Variants in INTS2 observed in about 807,000 individuals in gnomAD.
INTS2 encodes the protein KIAA1287.
A neutral mutation model predicts 139.6 loss-of-function variants in INTS2; 57 were observed. The ratio of observed to expected loss-of-function variants is 0.41; its 90% CI spans 0.33 to 0.51. The LOEUF (loss-of-function observed/expected upper bound fraction) is 0.51, where lower values mean the gene tolerates loss of function less well. INTS2 is among the 20% of genes least tolerant of loss of function. The probability of loss-of-function intolerance (pLI) is 0.28; values close to 1 mark genes in which losing one functional copy is unlikely to be tolerated. For missense variants in INTS2, 1,196 were observed against 1,436.7 expected (o/e 0.83, Z 2.71); for synonymous variants, 473 against 493.4 (o/e 0.96, Z 0.55).
Position 61,874,935 on chromosome 17 carries a change from T to C in INTS2, c.2560A>G (p.Arg854Gly), listed in dbSNP as rs1402291091. 1.9e-6 allele frequency: 3 copies of C among 1,598,038 alleles called. No homozygotes were observed. The African/African-American group carries it at 4.0e-5, about 21-fold the overall frequency. Residue 854 changes from arginine (R) to glycine (G), a missense_variant, in exon 19 of 25, where the codon AGG becomes GGG. Physicochemically the swap from Arg to Gly is moderately radical, Grantham distance 125. This residue lies in a region of INTS2 where 1,129 missense variants were observed against 1,341.9 expected (regional missense o/e 0.84). Coordinates refer to ENST00000251334, the MANE Select transcript of INTS2 (RefSeq NM_001351695.2). ...TACCTGTGAACCCTCTGATCACACCTTAGGACAATGAGAGGATCTATCATC... is the reference window on the plus strand; with the variant it reads ...TACCTGTGAACCCTCTGATCACACCCTAGGACAATGAGAGGATCTATCATC... ...DLMIDPLIVL[R>G]CDQRVHRCPP...
chr17:61,908,593 C>A (rs1159100697), intron 7 of INTS2, among the ~76,000 whole-genome samples: 1 of 152,104 alleles, frequency 6.6e-6, no homozygotes, highest in Non-Finnish European at 1.5e-5. Context: ...CAGTTCTAAA[C>A]TATACAGGGC....
chr17:61,887,941 A>C (rs950280111), intron 15 of INTS2, among the ~76,000 whole-genome samples: 3 of 152,118 alleles, frequency 2.0e-5, no homozygotes, highest in African/African-American at 7.2e-5. Context: ...AATCCCAGCT[A>C]TTCAGGAGGC....
In INTS2 at chr17:61,913,092, T is replaced by C. The variant is rs568736315; in HGVS notation, c.650-1022A>G. On this transcript the variant is annotated intron_variant, in intron 5 of 24. Coordinates refer to ENST00000251334, the MANE Select transcript of INTS2 (RefSeq NM_001351695.2). ...CTCCATCTCCAAAAAAGAGAAAAAGTAACTAGAGCAGAGGATAGGCGCATC... is the reference window on the plus strand; with the variant it reads ...CTCCATCTCCAAAAAAGAGAAAAAGCAACTAGAGCAGAGGATAGGCGCATC... 3.9e-5 allele frequency among the ~76,000 whole-genome samples: 5 copies of C among 129,808 alleles called. No individual in the cohort carries two copies. The East Asian group carries it at 1.1e-3, about 30-fold the overall frequency. The allele number at this position is 129,808 out of a possible 152,430, so 85.2% of individuals were successfully genotyped here. A position where few individuals can be genotyped will look rare whatever the true frequency, so the allele number is the denominator to read the frequency against.
At chr17:61,924,897 T>C in intron 3 of INTS2, 64 bp downstream of exon 3, 2 of 1,518,510 alleles carry the variant, frequency 1.3e-6, no homozygotes, top group East Asian at 4.6e-5. Flanking sequence ...TCTTTTTCTG[T>C]CTACCTCCCT....
At position 61,877,948 on chromosome 17, in the gene INTS2, G is replaced by C. The variant is rs777097380; in HGVS notation, c.2395C>G (p.Arg799Gly). ...MSQLLNSGVPRRILQTVNKLW... is the reference protein window; with the variant it reads ...MSQLLNSGVPGRILQTVNKLW... ...TTATTGACTGTTTGCAGAATTCTCC[G>C]TGGAACCCCTGAATTCAATAGCTGG... The change falls in exon 18 of 25, where the codon CGG becomes GGG. Residue 799 changes from arginine to glycine, a missense_variant. Arg to Gly is a moderately radical substitution (Grantham distance 125, BLOSUM62 -2). Around this residue, in one of 3 missense-constraint regions of INTS2, gnomAD observed 1,129 missense variants for 1,341.9 expected, o/e 0.84. Coordinates refer to ENST00000251334, the MANE Select transcript of INTS2 (RefSeq NM_001351695.2). 24 of 1,613,582 alleles carry C rather than the reference G, an allele frequency of 1.5e-5. No homozygotes were observed. Among genetic ancestry groups the C allele is most frequent in the Non-Finnish European group, 2.0e-5 (24 of 1,179,720 alleles).
At chr17:61,900,687 G>C (rs1315777913) in intron 9 of INTS2, among the ~76,000 whole-genome samples, 9 of 152,160 alleles carry the variant, frequency 5.9e-5, no homozygotes, top group Non-Finnish European at 1.2e-4. Flanking sequence ...GCCAGACGTG[G>C]TGGCTCACAC....
chr17:61,891,481 A>G (rs889933400), intron 14 of INTS2, 32 bp downstream of exon 14: 9 of 1,503,020 alleles, frequency 6.0e-6, no homozygotes, highest in Admixed American at 1.9e-5. Flanking sequence ...AAGAAAAATA[A>G]GTTAATAGAT....
In INTS2 at chr17:61,872,826, T is replaced by C. The variant is rs2079099828; in HGVS notation, c.2583-366A>G. ...GAGCTCTTTAAGTCAATAAAAAATA[T>C]AGGCTAAAATATAAAGATGAAATAA... On this transcript the variant is annotated intron_variant, in intron 19 of 24. Transcript: ENST00000251334. The surrounding 1 kb of genome is among the most constrained non-coding windows in gnomAD (Gnocchi z 4.8). 1.3e-5 allele frequency among the ~76,000 whole-genome samples: 2 copies of C among 152,230 alleles called. No individual in the cohort carries two copies. The highest frequency in any genetic ancestry group is 4.1e-4 in the South Asian group (2 of 4,830).
intron 8 of INTS2, among the ~76,000 whole-genome samples, chr17:61,905,221 G>A (rs1269461595): frequency 3.3e-5 from 5 of 151,948 alleles, no homozygotes; most frequent in African/African-American, 9.7e-5. Flanking sequence ...GATTACAGGT[G>A]TAAGTCACTG....
At chr17:61,881,290 A>G in intron 16 of INTS2, 119 bp from the exon 17 acceptor site, 1 of 787,594 alleles carries the variant, frequency 1.3e-6, no homozygotes. Flanking sequence ...GCTCTAAGTC[A>G]GTGTTTCTCA....
intron 17 of INTS2, 30 bp from the exon 18 acceptor site, chr17:61,878,118 A>G (rs759367716): frequency 7.3e-7 from 1 of 1,369,366 alleles, no homozygotes; most frequent in Non-Finnish European, 1.0e-6. Context: ...ATCATAACCT[A>G]AATTCTGTAC....
At position 61,907,567 on chromosome 17, in the gene INTS2, C is replaced by G. The variant is rs866856904; in HGVS notation, c.1022G>C (p.Gly341Ala). 15 of 1,592,892 alleles carry G rather than the reference C, an allele frequency of 9.4e-6. No individual in the cohort carries two copies. Among genetic ancestry groups the G allele is most frequent in the Non-Finnish European group, 1.3e-5 (15 of 1,169,202 alleles). Residue 341 changes from glycine to alanine, a missense_variant, in exon 8 of 25, where the codon GGC (glycine) becomes GCC (alanine). Around this residue, in one of 3 missense-constraint regions of INTS2, gnomAD observed 1,129 missense variants for 1,341.9 expected, o/e 0.84. Transcript: ENST00000251334. ...GGTGCTTCTTACTGTGGGAAGAATG[C>G]CCATCAACTCCAGAAGAAGCTGCCT... ...MRRQLLLELM[G>A]ILPTVRSTRI...
rs771237687 is a variant in INTS2 at position 61,869,687 on chromosome 17, C to G, written c.3030+50G>C. The G allele has an allele frequency of 1.1e-5, 18 of 1,584,410 alleles. No homozygotes were observed. The highest frequency in any genetic ancestry group is 1.6e-5 in the Non-Finnish European group (18 of 1,161,012). Reference sequence around the variant, plus strand: ...CCCTGTTAATATAGTATTCAAAGCCCCCAAGAAAAATAAAGTTCAAACACA... The same window carrying G: ...CCCTGTTAATATAGTATTCAAAGCCGCCAAGAAAAATAAAGTTCAAACACA... On this transcript the variant is annotated intron_variant, in intron 21 of 24. Transcript: ENST00000251334. The surrounding 1 kb of genome is among the most constrained non-coding windows in gnomAD (Gnocchi z 5.4).
Position 61,919,457 on chromosome 17 carries a change from T to G in INTS2, c.592A>C (p.Asn198His). Residue 198 changes from asparagine (N) to histidine (H), a missense_variant, in exon 5 of 25, where the codon AAT becomes CAT. Transcript: ENST00000251334. ...DVAEALLHVR[N>H]GAWFLCLLVA... ...AAGAGACACAAGAACCAGGCACCATTTCTAACATGTAGCAAAGCTTCAGCT... is the reference window on the plus strand; with the variant it reads ...AAGAGACACAAGAACCAGGCACCATGTCTAACATGTAGCAAAGCTTCAGCT... The G allele has an allele frequency of 6.2e-7, 1 of 1,603,452 alleles. No individual in the cohort carries two copies. The highest frequency in any genetic ancestry group is 8.5e-7 in the Non-Finnish European group (1 of 1,174,562).
intron 5 of INTS2, among the ~76,000 whole-genome samples, chr17:61,915,269 C>G (rs2079568598): frequency 6.6e-6 from 1 of 151,162 alleles, no homozygotes; most frequent in South Asian, 2.1e-4. Context: ...ACTGGGGAGG[C>G]AGAGGTTGCA....
intron 9 of INTS2, among the ~76,000 whole-genome samples, chr17:61,898,203 T>C (rs956889960): frequency 6.6e-6 from 1 of 152,192 alleles, no homozygotes; most frequent in African/African-American, 2.4e-5. Context: ...AGAAACCTTA[T>C]GAGTAGATCT....
In INTS2 at chr17:61,870,819, G is replaced by C. The variant is rs549037265; in HGVS notation, c.2779-831C>G. Among the ~76,000 whole-genome samples, 1 of 152,174 alleles carries C rather than the reference G, an allele frequency of 6.6e-6. No homozygotes were observed. Among genetic ancestry groups the C allele is most frequent in the South Asian group, 2.1e-4 (1 of 4,822 alleles). Reference sequence around the variant, plus strand: ...TATTGTTATTGTTTTGTTTTCTTTTGTTGTTGTTGACTCAGGAGCCAGAGT... The same window carrying C: ...TATTGTTATTGTTTTGTTTTCTTTTCTTGTTGTTGACTCAGGAGCCAGAGT... On this transcript the variant is annotated intron_variant, in intron 20 of 24. Coordinates refer to ENST00000251334, the MANE Select transcript of INTS2 (RefSeq NM_001351695.2). This position sits in a 1 kb window ranked among gnomAD's most constrained non-coding sequence, Gnocchi z 4.4.
At chr17:61,915,516 ACT>A (rs1294165196) in intron 5 of INTS2, among the ~76,000 whole-genome samples, 1 of 143,782 alleles carries the variant, frequency 7.0e-6, no homozygotes, top group Non-Finnish European at 1.5e-5. Flanking sequence ...ACAGAGTGAA[ACT>A]CTGTTTCAAA....
In INTS2 at chr17:61,868,902, CT is replaced by C; in HGVS notation, c.3244+131del. ...AATTCAAAAGACGGCATAAGTTAAA[CT>C]AGTATTTAACACATATTGTATCATA... is the stretch of plus-strand genomic sequence containing the variant. On this transcript the variant is annotated intron_variant, in intron 23 of 24. Transcript: ENST00000251334. This position sits in a 1 kb window ranked among gnomAD's most constrained non-coding sequence, Gnocchi z 4.7. 1 of 575,602 alleles carries C rather than the reference CT, an allele frequency of 1.7e-6. No individual in the cohort carries two copies. Among genetic ancestry groups the C allele is most frequent in the Non-Finnish European group, 3.1e-6 (1 of 325,000 alleles). The allele number at this position is 575,602 out of a possible 1,614,324, so 35.7% of individuals were successfully genotyped here. A position where few individuals can be genotyped will look rare whatever the true frequency, so the allele number is the denominator to read the frequency against.
Sources: gnomAD v4.1 joint callset for allele counts (sites outside exome capture counted in the v4.1 genomes callset) on GRCh38, gnomAD v4.1.1 for gene constraint, gnomAD v4.1.1 regional missense constraint, Gnocchi (gnomAD v3.1) non-coding constraint, MANE v1.5 for transcripts, NCBI Gene and HGNC (gene_info 2026-07-23, HGNC 2026-07-21) for gene names.